MCTP2: variants seen among roughly 807,000 people sequenced by gnomAD.
The protein encoded by MCTP2 is multiple C2 and transmembrane domain-containing protein 2.
Under a neutral mutation model 111.6 loss-of-function variants are expected in MCTP2, and 132 were observed. The observed-to-expected ratio is 1.18, with a 90% CI of 1.03 to 1.37. MCTP2 has a LOEUF of 1.37. Among genes scored for constraint, MCTP2 ranks in the 40% most tolerant of loss-of-function variants. The probability of loss-of-function intolerance (pLI) is 0.00; values close to 1 mark genes in which losing one functional copy is unlikely to be tolerated. For synonymous variants in MCTP2, 395 were observed against 387.7 expected, an observed-to-expected ratio of 1.02 and a Z score of -0.22; for missense variants, 1,183 against 1,067.9, an observed-to-expected ratio of 1.11 and a Z score of -1.50.
chr15:94,348,571 A>G (rs1440464015), intron 8 of MCTP2, among the ~76,000 whole-genome samples: 1 of 137,924 alleles, frequency 7.3e-6, no homozygotes, highest in Non-Finnish European at 1.6e-5. Context: ...GTTTGTAGTC[A>G]TATATCTTTG....
intron 17 of MCTP2, among the ~76,000 whole-genome samples, chr15:94,423,535 T>G: frequency 6.6e-6 from 1 of 152,214 alleles, no homozygotes; most frequent in African/African-American, 2.4e-5. Context: ...GTAATGATTT[T>G]ATGTCGTTAT....
intron 1 of MCTP2, among the ~76,000 whole-genome samples, chr15:94,264,032 G>A (rs527961150): frequency 6.6e-6 from 1 of 152,168 alleles, no homozygotes; most frequent in East Asian, 1.9e-4. Flanking sequence ...CCTCTTACTT[G>A]GTGCTGACAC....
chr15:94,441,979 T>C (rs1008999716), intron 18 of MCTP2, among the ~76,000 whole-genome samples: 2 of 152,220 alleles, frequency 1.3e-5, no homozygotes, highest in African/African-American at 4.8e-5. Flanking sequence ...AAGAAATTTC[T>C]TGATGACTGC....
intron 20 of MCTP2, among the ~76,000 whole-genome samples, chr15:94,458,901 T>C (rs1287014231): frequency 6.6e-6 from 1 of 152,222 alleles, no homozygotes; most frequent in Non-Finnish European, 1.5e-5. Context: ...AATAAAACTT[T>C]ATTTATATAA....
chr15:94,284,898 G>A (rs919096247), intron 1 of MCTP2, among the ~76,000 whole-genome samples: 1 of 152,106 alleles, frequency 6.6e-6, no homozygotes, highest in African/African-American at 2.4e-5. Context: ...AAAAAGATTA[G>A]GTAAGATCTC....
At chr15:94,364,802 C>T (rs2079105054) in intron 10 of MCTP2, among the ~76,000 whole-genome samples, 1 of 152,204 alleles carries the variant, frequency 6.6e-6, no homozygotes, top group Non-Finnish European at 1.5e-5. Flanking sequence ...TTCTCCCAGT[C>T]TCTGGCTAAT....
At chr15:94,238,719 G>A (rs1453195051) in intron 1 of MCTP2, among the ~76,000 whole-genome samples, 1 of 152,146 alleles carries the variant, frequency 6.6e-6, no homozygotes, top group Non-Finnish European at 1.5e-5. Context: ...ATGAGAGCAG[G>A]TGGTGAGGGC....
rs573189499 is a variant in MCTP2, at chr15:94,261,864, T to C, written c.-66+30200T>C. On this transcript the variant is annotated intron_variant, in intron 1 of 22. Coordinates refer to ENST00000357742, the MANE Select transcript of MCTP2 (RefSeq NM_001385001.1). ...TCGTGAACTGAAGTGTTTTTCATTG[T>C]ACATTGGATTGAAGATCTCACTTAA... is the stretch of plus-strand genomic sequence containing the variant. 1.1e-4 allele frequency among the ~76,000 whole-genome samples: 17 copies of C among 152,352 alleles called. 1 individual carries two copies. In the South Asian group the frequency reaches 3.5e-3, roughly 32 times the overall value.
At chr15:94,330,100 A>G (rs2077063362) in intron 4 of MCTP2, among the ~76,000 whole-genome samples, 2 of 152,212 alleles carry the variant, frequency 1.3e-5, no homozygotes, top group African/African-American at 4.8e-5. Flanking sequence ...AATGTCCTCC[A>G]GGTTTATTCA....
chr15:94,299,961 T>G (rs1040637438), intron 2 of MCTP2, among the ~76,000 whole-genome samples: 14 of 152,252 alleles, frequency 9.2e-5, no homozygotes, highest in Admixed American at 9.2e-4. Context: ...ACCCATTTTG[T>G]AAACCTTTTT....
chr15:94,386,928 C>T (rs2080522852), intron 14 of MCTP2, among the ~76,000 whole-genome samples: 2 of 152,150 alleles, frequency 1.3e-5, no homozygotes, highest in South Asian at 4.1e-4. Context: ...TCCCCAAACC[C>T]TTACCCGATT....
chr15:94,320,057 T>C (rs7173222), intron 4 of MCTP2, among the ~76,000 whole-genome samples: 38,044 of 152,074 alleles, frequency 0.25, 4,949 homozygotes, highest in Middle Eastern at 0.35. Context: ...ATAAAACATA[T>C]ACCTTTATCC....
chr15:94,376,771 C>T (rs1039280756), intron 12 of MCTP2, among the ~76,000 whole-genome samples: 2 of 151,960 alleles, frequency 1.3e-5, no homozygotes, highest in African/African-American at 4.8e-5. Flanking sequence ...CTTTTTGTTT[C>T]TATTTCTATT....
chr15:94,245,652 G>A (rs28610986), intron 1 of MCTP2, among the ~76,000 whole-genome samples: 15 of 142,668 alleles, frequency 1.1e-4, no homozygotes, highest in African/African-American at 3.6e-4. Flanking sequence ...ATATACATAT[G>A]TATATGTAAA....
rs34490717 is a variant in MCTP2 at position 94,268,177 on chromosome 15, T to A, written c.-65-30024T>A. Among the ~76,000 whole-genome samples, 556 of 105,898 alleles carry A rather than the reference T, an allele frequency of 5.3e-3. 3 individuals are homozygous for A. Among genetic ancestry groups the A allele is most frequent in the African/African-American group, 0.013 (427 of 32,006 alleles). The allele number at this position is 105,898 out of a possible 152,430, so 69.5% of individuals were successfully genotyped here. ...CACCACGCCCGGCCCAAATTCATTCTTTCTTTCTTTTTTTTTTTTTTGAGA... is the reference window on the plus strand; with the variant it reads ...CACCACGCCCGGCCCAAATTCATTCATTCTTTCTTTTTTTTTTTTTTGAGA... On this transcript the variant is annotated intron_variant, in intron 1 of 22. Transcript: ENST00000357742.
chr15:94,316,386 T>G lies in MCTP2; in HGVS notation c.637+749T>G, dbSNP rs75028775. Among the ~76,000 whole-genome samples the G allele has an allele frequency of 2.5e-3, 380 of 152,310 alleles. 1 individual carries two copies. Among genetic ancestry groups the G allele is most frequent in the Non-Finnish European group, 4.5e-3 (305 of 68,026 alleles). On this transcript the variant is annotated intron_variant, in intron 4 of 22. Coordinates refer to ENST00000357742, the MANE Select transcript of MCTP2 (RefSeq NM_001385001.1). ...TTCTGTGCACAGATAAGGCTAAACC[T>G]TATATTAAAATGGCATGTGGTTAAG...
intron 2 of MCTP2, among the ~76,000 whole-genome samples, chr15:94,302,370 A>G (rs2075658494): frequency 6.6e-6 from 1 of 152,210 alleles, no homozygotes; most frequent in African/African-American, 2.4e-5. Context: ...TCAGCAAAGA[A>G]AGTGAAATGT....
intron 1 of MCTP2, among the ~76,000 whole-genome samples, chr15:94,276,436 T>G (rs970479899): frequency 1.1e-4 from 17 of 152,048 alleles, no homozygotes; most frequent in Non-Finnish European, 1.8e-4. Context: ...CAAGAAAACC[T>G]TTATGCACAG....
intron 10 of MCTP2, among the ~76,000 whole-genome samples, chr15:94,363,716 C>G (rs1305623006): frequency 6.6e-6 from 1 of 151,958 alleles, no homozygotes; most frequent in Non-Finnish European, 1.5e-5. Context: ...CTTGTTGTTG[C>G]AGTGGAGCTC....
Sources: gnomAD v4.1 joint callset for allele counts (sites outside exome capture counted in the v4.1 genomes callset) on GRCh38, gnomAD v4.1.1 for gene constraint, MANE v1.5 for transcripts, NCBI Gene and HGNC (gene_info 2026-07-23, HGNC 2026-07-21) for gene names.